Variants in ROBO1 observed in about 807,000 individuals in gnomAD.
ROBO1 encodes the protein roundabout guidance receptor 1.
A neutral mutation model predicts 195.9 loss-of-function variants in ROBO1; 149 were observed. That is an observed-to-expected ratio of 0.76 (90% confidence interval 0.67 to 0.87). The LOEUF (loss-of-function observed/expected upper bound fraction) is 0.87, where lower values mean the gene tolerates loss of function less well. ROBO1 is among the 40% of genes least tolerant of loss of function. The probability of loss-of-function intolerance (pLI) is 0.00; values close to 1 mark genes in which losing one functional copy is unlikely to be tolerated. For synonymous variants in ROBO1, 816 were observed against 733.2 expected (o/e 1.11, Z -1.82); for missense variants, 1,933 against 2,068.3 (o/e 0.93, Z 1.27).
intron 1 of ROBO1, among the ~76,000 whole-genome samples, chr3:79,608,639 T>A (rs973193460): frequency 2.0e-5 from 3 of 151,942 alleles, no homozygotes; most frequent in African/African-American, 7.2e-5. Flanking sequence ...CTAACCAGAT[T>A]TCTGAATAAA....
intron 4 of ROBO1, among the ~76,000 whole-genome samples, chr3:78,914,631 C>T (rs1461748702): frequency 1.3e-5 from 2 of 150,324 alleles, no homozygotes; most frequent in African/African-American, 2.4e-5. Flanking sequence ...AGTTTCTGAA[C>T]AAGAGCTTTG....
At chr3:78,696,143 AAG>A (rs1200077779) in intron 8 of ROBO1, among the ~76,000 whole-genome samples, 17 of 143,440 alleles carry the variant, frequency 1.2e-4, no homozygotes, top group African/African-American at 3.7e-4. Context: ...AAAAAAAAAA[AAG>A]CAGAGTAACT....
chr3:78,703,153 T>C (rs2107953471), intron 8 of ROBO1, among the ~76,000 whole-genome samples: 1 of 152,268 alleles, frequency 6.6e-6, no homozygotes, highest in South Asian at 2.1e-4. Flanking sequence ...TTCTTTAAGC[T>C]ATAAGTACAC....
chr3:79,051,311 A>C (rs543228278), intron 3 of ROBO1, among the ~76,000 whole-genome samples: 5 of 152,208 alleles, frequency 3.3e-5, no homozygotes, highest in Admixed American at 6.5e-5. Flanking sequence ...ATCTAGAAGA[A>C]ATGGATAAAT....
At chr3:79,763,989 T>C (rs1310741339) in intron 1 of ROBO1, among the ~76,000 whole-genome samples, 1 of 152,214 alleles carries the variant, frequency 6.6e-6, no homozygotes, top group Non-Finnish European at 1.5e-5. Flanking sequence ...TAGAAAAGCA[T>C]GTACTCTGTC....
rs1319728616 is a variant in ROBO1, at chr3:78,617,758, G to A, written c.4159C>T (p.Arg1387Cys). The change falls in exon 27 of 31, where the codon CGC becomes TGC. Residue 1387 changes from arginine to cysteine, a missense_variant. Physicochemically the swap from Arg to Cys is radical, Grantham distance 180. This residue lies in a region of ROBO1 where 1,737 missense variants were observed against 1,882.5 expected (regional missense o/e 0.92). Coordinates refer to ENST00000464233, the MANE Select transcript of ROBO1 (RefSeq NM_002941.4). ...CCGTCCGAAGAACTAACACTGGAGC[G>A]TCCGCTGGAAATGTTGTCCTCCTCT... ...ASEEDNISSG[R>C]SSVSSSDGSF... The A allele has an allele frequency of 1.2e-6, 2 of 1,613,800 alleles. No individual in the cohort carries two copies. Among genetic ancestry groups the A allele is most frequent in the African/African-American group, 1.3e-5 (1 of 74,928 alleles).
At chr3:79,428,560 A>G (rs890644545) in intron 2 of ROBO1, among the ~76,000 whole-genome samples, 2 of 152,174 alleles carry the variant, frequency 1.3e-5, no homozygotes, top group Admixed American at 6.6e-5. Context: ...CCAGCATACT[A>G]AAACAATGTA....
intron 9 of ROBO1, 53 bp downstream of exon 9, chr3:78,688,595 C>T: frequency 6.7e-7 from 1 of 1,496,012 alleles, no homozygotes; most frequent in Non-Finnish European, 8.9e-7. Flanking sequence ...TCTCATACAT[C>T]TTGGCAACCA....
intron 1 of ROBO1, among the ~76,000 whole-genome samples, chr3:79,653,870 A>C (rs1010496356): frequency 1.3e-5 from 2 of 151,994 alleles, no homozygotes; most frequent in African/African-American, 4.8e-5. Context: ...TCAATATGAT[A>C]ATTTCAGTTT....
chr3:79,675,926 C>T (rs780859748), intron 1 of ROBO1, among the ~76,000 whole-genome samples: 1 of 152,010 alleles, frequency 6.6e-6, no homozygotes. Context: ...CATACATCTG[C>T]ACAATTGTCG....
intron 2 of ROBO1, among the ~76,000 whole-genome samples, chr3:79,548,239 C>A (rs1469475431): frequency 6.6e-6 from 1 of 152,124 alleles, no homozygotes; most frequent in Non-Finnish European, 1.5e-5. Context: ...GCCTATGATG[C>A]TGAGTGAAAG....
At chr3:79,709,685 C>G (rs1490452949) in intron 1 of ROBO1, among the ~76,000 whole-genome samples, 1 of 150,764 alleles carries the variant, frequency 6.6e-6, no homozygotes, top group Non-Finnish European at 1.5e-5. Flanking sequence ...TTGTTATGCT[C>G]TCAATGTTTG....
At chr3:78,964,856 T>A (rs1291752968) in intron 3 of ROBO1, among the ~76,000 whole-genome samples, 3 of 151,508 alleles carry the variant, frequency 2.0e-5, no homozygotes, top group Admixed American at 2.0e-4. Flanking sequence ...CCTTTTTTTT[T>A]TTATTTTTGT....
intron 2 of ROBO1, among the ~76,000 whole-genome samples, chr3:79,399,878 G>T (rs532949817): frequency 6.6e-6 from 1 of 152,046 alleles, no homozygotes; most frequent in African/African-American, 2.4e-5. Context: ...AATTGTGATA[G>T]AATTTTTATA....
At chr3:79,327,209 T>G (rs2034248011) in intron 2 of ROBO1, among the ~76,000 whole-genome samples, 1 of 152,042 alleles carries the variant, frequency 6.6e-6, no homozygotes. Flanking sequence ...AATATTTCAT[T>G]TGAAGAAAAA....
intron 10 of ROBO1, among the ~76,000 whole-genome samples, chr3:78,683,227 C>G (rs780223100): frequency 6.6e-6 from 1 of 151,962 alleles, no homozygotes; most frequent in Non-Finnish European, 1.5e-5. Flanking sequence ...AACTACAAAC[C>G]ATTGCTGAGA....
chr3:79,611,201 GA>G (rs60365200), intron 1 of ROBO1, among the ~76,000 whole-genome samples: 41,777 of 151,758 alleles, frequency 0.28, 6,752 homozygotes, highest in African/African-American at 0.45. Flanking sequence ...TCTTTTAATA[GA>G]AAAAAATTCC....
At chr3:79,297,343 A>G (rs895976488) in intron 2 of ROBO1, among the ~76,000 whole-genome samples, 1 of 152,150 alleles carries the variant, frequency 6.6e-6, no homozygotes, top group Non-Finnish European at 1.5e-5. Flanking sequence ...AATTGATTAC[A>G]TTTCTCTACC....
At chr3:79,699,537 GTCTCT>G (rs1947551458) in intron 1 of ROBO1, among the ~76,000 whole-genome samples, 1 of 151,632 alleles carries the variant, frequency 6.6e-6, no homozygotes, top group Non-Finnish European at 1.5e-5. Flanking sequence ...TCCTCTCACA[GTCTCT>G]TCCAAAGGCA....
Sources: gnomAD v4.1 joint callset for allele counts (sites outside exome capture counted in the v4.1 genomes callset) on GRCh38, gnomAD v4.1.1 for gene constraint, gnomAD v4.1.1 regional missense constraint, MANE v1.5 for transcripts, NCBI Gene and HGNC (gene_info 2026-07-23, HGNC 2026-07-21) for gene names.